The following TTC28 variants were observed in gnomAD, a reference collection of about 807,000 sequenced individuals.
The protein encoded by TTC28 is tetratricopeptide repeat domain 28, also known as tetratricopeptide repeat protein 28.
TTC28 carries 61 observed loss-of-function variants against 198.0 expected under a neutral mutation model. The ratio of observed to expected loss-of-function variants is 0.31; its 90% CI spans 0.25 to 0.38. The LOEUF is 0.38. Among genes scored for constraint, TTC28 ranks in the 10% least tolerant of loss-of-function variants. TTC28 has a pLI of 1.00. For synonymous variants in TTC28, 1,171 were observed against 1,297.8 expected (o/e 0.90, Z 2.10); for missense variants, 2,678 against 3,164.0 (o/e 0.85, Z 3.69).
chr22:28,552,910 T>C (rs1444039764), intron 2 of TTC28, among the ~76,000 whole-genome samples: 3 of 152,060 alleles, frequency 2.0e-5, no homozygotes, highest in African/African-American at 4.8e-5. Context: ...CCTCAGCCTG[T>C]CGAGTGCCTG....
chr22:28,494,407 C>G (rs540922508), intron 2 of TTC28, among the ~76,000 whole-genome samples: 1 of 152,166 alleles, frequency 6.6e-6, no homozygotes, highest in Non-Finnish European at 1.5e-5. Flanking sequence ...CAATTAGAAA[C>G]TGTCAACTAA....
chr22:28,563,499 C>T (rs2049923512), intron 2 of TTC28, among the ~76,000 whole-genome samples: 1 of 152,010 alleles, frequency 6.6e-6, no homozygotes, highest in Non-Finnish European at 1.5e-5. Flanking sequence ...TCATCAAAAC[C>T]AAAGATTAAT....
At chr22:28,408,451 C>T (rs914367048) in intron 2 of TTC28, among the ~76,000 whole-genome samples, 5 of 152,008 alleles carry the variant, frequency 3.3e-5, no homozygotes, top group Middle Eastern at 3.4e-3. Context: ...AGTGCAGTGG[C>T]GTGATCTTGG....
intron 2 of TTC28, among the ~76,000 whole-genome samples, chr22:28,608,720 G>A (rs2050772953): frequency 6.6e-6 from 1 of 152,166 alleles, no homozygotes; most frequent in Non-Finnish European, 1.5e-5. Context: ...AGTGCTGAAG[G>A]TGTGCCCAAA....
At chr22:28,545,219 C>T (rs2049512623) in intron 2 of TTC28, among the ~76,000 whole-genome samples, 1 of 152,114 alleles carries the variant, frequency 6.6e-6, no homozygotes. Context: ...ACTACAGATT[C>T]TAGCCAATGC....
chr22:27,979,942 A>G lies in TTC28; in HGVS notation c.*2279T>C, dbSNP rs558588189. ...CTTCAGTATGAAACCTAAAACAACG[A>G]TGTACATGGGACTAAAACCAGGTTA... On this transcript the variant is annotated 3_prime_UTR_variant, in exon 23 of 23. Coordinates refer to ENST00000397906, the MANE Select transcript of TTC28 (RefSeq NM_001145418.2). 1 of 152,336 alleles carries G rather than the reference A, an allele frequency of 6.6e-6. No individual in the cohort carries two copies. Among genetic ancestry groups the G allele is most frequent in the East Asian group, 1.9e-4 (1 of 5,190 alleles). The allele number at this position is 152,336 out of a possible 1,614,324, so 9.4% of individuals were successfully genotyped here. A position where few individuals can be genotyped will look rare whatever the true frequency, so the allele number is the denominator to read the frequency against.
intron 12 of TTC28, among the ~76,000 whole-genome samples, chr22:28,038,731 C>T (rs926142657): frequency 1.3e-5 from 2 of 152,304 alleles, no homozygotes; most frequent in East Asian, 3.9e-4. Context: ...AGTGAACAGA[C>T]AACCTACAGA....
intron 6 of TTC28, among the ~76,000 whole-genome samples, chr22:28,145,140 C>T (rs572379564): frequency 3.9e-5 from 6 of 152,268 alleles, no homozygotes; most frequent in East Asian, 3.9e-4. Context: ...AAACAAATAC[C>T]GACACTAACT....
At chr22:28,508,694 T>C (rs560912956) in intron 2 of TTC28, among the ~76,000 whole-genome samples, 118 of 152,326 alleles carry the variant, frequency 7.7e-4, no homozygotes, top group Non-Finnish European at 1.4e-3. Flanking sequence ...TAAATACATA[T>C]GCACCAATAC....
At chr22:28,551,259 T>A (rs2049666266) in intron 2 of TTC28, among the ~76,000 whole-genome samples, 1 of 151,996 alleles carries the variant, frequency 6.6e-6, no homozygotes, top group African/African-American at 2.4e-5. Context: ...CAAAAAAAAG[T>A]CCAGCACCAG....
At chr22:28,396,596 C>A (rs756384322) in intron 2 of TTC28, among the ~76,000 whole-genome samples, 1 of 152,124 alleles carries the variant, frequency 6.6e-6, no homozygotes, top group Admixed American at 6.6e-5. Context: ...CCAAGGGAAC[C>A]TTTACTTCCA....
At chr22:28,104,762 A>C (rs1942248359) in intron 8 of TTC28, among the ~76,000 whole-genome samples, 1 of 152,130 alleles carries the variant, frequency 6.6e-6, no homozygotes, top group Non-Finnish European at 1.5e-5. Context: ...CCTCAGACTG[A>C]TACTTCTGGA....
intron 2 of TTC28, among the ~76,000 whole-genome samples, chr22:28,588,253 C>T (rs1355366085): frequency 6.6e-6 from 1 of 152,028 alleles, no homozygotes. Flanking sequence ...ATTAAACATA[C>T]TTTCCGTCAT....
chr22:28,278,741 AAGAC>A (rs754585746), intron 5 of TTC28, among the ~76,000 whole-genome samples: 11 of 152,262 alleles, frequency 7.2e-5, no homozygotes, highest in Admixed American at 2.0e-4. Flanking sequence ...AAAGCAAAGA[AAGAC>A]AATGAGTCTG....
At chr22:27,996,354 C>T in intron 16 of TTC28, 95 bp from the exon 17 acceptor site, 1 of 1,484,998 alleles carries the variant, frequency 6.7e-7, no homozygotes, top group Non-Finnish European at 9.0e-7. Context: ...GAGGTTAACC[C>T]AGCAGAAAGA....
intron 5 of TTC28, among the ~76,000 whole-genome samples, chr22:28,241,641 A>G (rs973882864): frequency 1.3e-5 from 2 of 152,114 alleles, no homozygotes; most frequent in Admixed American, 6.6e-5. Context: ...TGGTAAAACA[A>G]ATGGGGAAAA....
intron 5 of TTC28, among the ~76,000 whole-genome samples, chr22:28,279,868 AT>A (rs2044550821): frequency 6.6e-6 from 1 of 152,186 alleles, no homozygotes; most frequent in South Asian, 2.1e-4. Flanking sequence ...TTTCTTATTA[AT>A]GGAATTATAA....
At chr22:28,326,829 T>G (rs899903965) in intron 2 of TTC28, among the ~76,000 whole-genome samples, 6 of 152,210 alleles carry the variant, frequency 3.9e-5, no homozygotes, top group African/African-American at 1.2e-4. Context: ...AAACTATAAC[T>G]CAGATAAAAT....
intron 2 of TTC28, among the ~76,000 whole-genome samples, chr22:28,436,463 C>T (rs141038867): frequency 1.8e-3 from 269 of 152,178 alleles, no homozygotes; most frequent in African/African-American, 6.2e-3. Context: ...AGAAGAACTG[C>T]TTACAGAAGG....
Sources: allele counts gnomAD v4.1 joint callset (sites outside exome capture counted in the v4.1 genomes callset), GRCh38; gene constraint gnomAD v4.1.1; transcripts MANE v1.5; gene names NCBI Gene and HGNC (gene_info 2026-07-23, HGNC 2026-07-21).